Variants in QARS1 observed in about 807,000 individuals in gnomAD.
The protein encoded by QARS1 is glutamine--tRNA ligase.
QARS1 carries 79 observed loss-of-function variants against 106.9 expected under a neutral mutation model. That is an observed-to-expected ratio of 0.74 (90% CI 0.62 to 0.89). The LOEUF (loss-of-function observed/expected upper bound fraction) is 0.89, where lower values mean the gene tolerates loss of function less well. Ranked by LOEUF, QARS1 falls within the 40% of genes least tolerant of loss-of-function variation. The probability of loss-of-function intolerance (pLI) is 0.00; values close to 1 mark genes in which losing one functional copy is unlikely to be tolerated. For synonymous variants in QARS1, 395 were observed against 367.7 expected, an observed-to-expected ratio of 1.07 and a Z score of -0.85; for missense variants, 966 against 997.2, an observed-to-expected ratio of 0.97 and a Z score of 0.42.
intron 23 of QARS1, 124 bp from the exon 24 acceptor site, chr3:49,096,203 G>T: frequency 1.0e-6 from 1 of 959,772 alleles, no homozygotes; most frequent in Non-Finnish European, 1.6e-6. Flanking sequence ...AGGGACTAAG[G>T]GTCAGGAGGC....
Position 49,100,659 on chromosome 3 carries a change from A to G in QARS1, c.892T>C (p.Cys298Arg). The change falls in exon 11 of 24, where the codon TGT becomes CGT. Residue 298 changes from cysteine (C) to arginine (R), a missense_variant. Physicochemically the swap from Cys to Arg is radical, Grantham distance 180. Transcript: ENST00000306125. ...FGYAKANNGI[C>R]FLRFDDTNPE... ...TTGGTGTCATCAAAACGCAGAAAAC[A>G]GATGCCATTGTTGGCCTAGGAAAGT... 1 of 1,603,612 alleles carries G rather than the reference A, an allele frequency of 6.2e-7. No individual in the cohort carries two copies. The highest frequency in any genetic ancestry group is 8.5e-7 in the Non-Finnish European group (1 of 1,170,332).
intron 2 of QARS1, 148 bp from the exon 3 acceptor site, chr3:49,104,120 G>C: frequency 8.9e-7 from 1 of 1,118,280 alleles, no homozygotes; most frequent in Non-Finnish European, 1.3e-6. Context: ...AGGGAAGAAA[G>C]AAGCACGTGT....
chr3:49,099,709 G>A, intron 15 of QARS1, 52 bp downstream of exon 15: 1 of 1,613,516 alleles, frequency 6.2e-7, no homozygotes, highest in Middle Eastern at 1.6e-4. Flanking sequence ...ACCACAGGAA[G>A]GGCTGCTGGA....
At chr3:49,100,766 T>C in intron 10 of QARS1, 92 bp from the exon 11 acceptor site, 3 of 1,127,896 alleles carry the variant, frequency 2.7e-6, no homozygotes, top group Non-Finnish European at 4.0e-6. Context: ...AGCACTCTCA[T>C]GTCAGAATTT....
rs2107104202 is a variant in QARS1, at chr3:49,100,646, A to G, written c.905T>C (p.Phe302Ser). 1 of 1,607,518 alleles carries G rather than the reference A, an allele frequency of 6.2e-7. No homozygotes were observed. The highest frequency in any genetic ancestry group is 8.5e-7 in the Non-Finnish European group (1 of 1,173,898). ...CTCCTTCTCAGGGTTGGTGTCATCA[A>G]AACGCAGAAAACAGATGCCATTGTT... ...KANNGICFLR[F>S]DDTNPEKEEA... is the part of the protein sequence containing the mutation. Residue 302 changes from phenylalanine (F) to serine (S), a missense_variant, in exon 11 of 24, where the codon TTT becomes TCT. Phe to Ser is a radical substitution (Grantham distance 155). Coordinates refer to ENST00000306125, the MANE Select transcript of QARS1 (RefSeq NM_005051.3).
rs370397423 is a variant in QARS1, at chr3:49,098,620, C to T, written c.1936G>A (p.Glu646Lys). 1.2e-6 allele frequency: 2 copies of T among 1,611,754 alleles called. No individual in the cohort carries two copies. The highest frequency in any genetic ancestry group is 1.7e-6 in the Non-Finnish European group (2 of 1,178,844). Residue 646 changes from glutamate (E) to lysine (K), a missense_variant, in exon 20 of 24, where the codon GAG becomes AAG. Transcript: ENST00000306125. ...CTCACCTTGACAACATGCTGCAGCT[C>T]AATGACGTAGCCTGTATGCCTCAGG... ...VGLRHTGYVI[E>K]LQHVVKGPSG... is the part of the protein sequence containing the mutation.
At position 49,098,187 on chromosome 3, in the gene QARS1, C is replaced by G; in HGVS notation, c.2151+5G>C. Reference sequence around the variant, plus strand: ...CCTCCCTCACCCCAAACCTCATGAACCTACCAGGTTCAGGTCACTTAAAAA... The same window carrying G: ...CCTCCCTCACCCCAAACCTCATGAAGCTACCAGGTTCAGGTCACTTAAAAA... On this transcript the variant is annotated splice_donor_5th_base_variant and intron_variant, in intron 22 of 23. Transcript: ENST00000306125. 6.2e-7 allele frequency: 1 copy of G among 1,614,210 alleles called. No homozygotes were observed. Among genetic ancestry groups the G allele is most frequent in the East Asian group, 2.2e-5 (1 of 44,890 alleles).
chr3:49,100,254 C>A lies in QARS1; in HGVS notation c.1100G>T (p.Gly367Val). 6.2e-7 allele frequency: 1 copy of A among 1,614,228 alleles called. No individual in the cohort carries two copies. Among genetic ancestry groups the A allele is most frequent in the African/African-American group, 1.3e-5 (1 of 75,064 alleles). ...VCHQRGEELK[G>V]HNTLPSPWRD... is the part of the protein sequence containing the mutation. ...CCAGGGTGAAGGCAGAGTATTATGGCCTTTGAGCTCCTCTCCTCGCTGGTG... is the reference window on the plus strand; with the variant it reads ...CCAGGGTGAAGGCAGAGTATTATGGACTTTGAGCTCCTCTCCTCGCTGGTG... Residue 367 changes from glycine (G) to valine (V), a missense_variant, in exon 13 of 24, where the codon GGC (glycine) becomes GTC (valine). Coordinates refer to ENST00000306125, the MANE Select transcript of QARS1 (RefSeq NM_005051.3).
chr3:49,101,492 C>T (rs761458716), intron 9 of QARS1, 51 bp from the exon 10 acceptor site: 1 of 1,583,000 alleles, frequency 6.3e-7, no homozygotes, highest in Non-Finnish European at 8.7e-7. Flanking sequence ...CTCAGATGAC[C>T]TTAAAGAAAC....
At position 49,096,798 on chromosome 3, in the gene QARS1, C is replaced by CAAAAAAAAAAAAAAAAAAA. The variant is rs770587253; in HGVS notation, c.2278-738_2278-720dup. ...CTGGGCGACATGTGAGACTCCGTCT[C>CAAAAAAAAAAAAAAAAAAA]AAAAAAAAAAAAAAAAAAAAAAAAA... On this transcript the variant is annotated intron_variant, in intron 23 of 23. Coordinates refer to ENST00000306125, the MANE Select transcript of QARS1 (RefSeq NM_005051.3). Among the ~76,000 whole-genome samples, 4 of 14,154 alleles carry CAAAAAAAAAAAAAAAAAAA rather than the reference C, an allele frequency of 2.8e-4. 1 individual carries two copies. Among genetic ancestry groups the CAAAAAAAAAAAAAAAAAAA allele is most frequent in the African/African-American group, 6.5e-4 (2 of 3,058 alleles). 9.3% of individuals were successfully genotyped at this position (14,154 alleles called of 152,430 possible).
chr3:49,102,275 G>GCC lies in QARS1; in HGVS notation c.571-12_571-11dup. ...GCCGAGCTTTTGCCACCTGAAAGAA[G>GCC]CCCCAGGTGCTTCAGAAAATGGCAT... On this transcript the variant is annotated splice_polypyrimidine_tract_variant and intron_variant, in intron 6 of 23. Transcript: ENST00000306125. 1 of 1,614,172 alleles carries GCC rather than the reference G, an allele frequency of 6.2e-7. No individual in the cohort carries two copies.
At position 49,100,995 on chromosome 3, in the gene QARS1, G is replaced by A. The variant is rs543097493; in HGVS notation, c.877-321C>T. ...GACCTCAAGTGATCCACCCACTTTA[G>A]CCTCCCGAAGTGTTGAGATTACAGG... On this transcript the variant is annotated intron_variant, in intron 10 of 23. Transcript: ENST00000306125. 9.9e-5 allele frequency among the ~76,000 whole-genome samples: 15 copies of A among 152,226 alleles called. 1 individual carries two copies. In the South Asian group the frequency reaches 2.9e-3, roughly 29 times the overall value.
intron 1 of QARS1, 48 bp downstream of exon 1, chr3:49,104,569 C>G: frequency 6.3e-7 from 1 of 1,597,612 alleles, no homozygotes; most frequent in Non-Finnish European, 8.6e-7. Context: ...CCCCGCGCTG[C>G]GTTGCAGCAT....
chr3:49,102,582 T>G lies in QARS1; in HGVS notation c.517-110A>C, dbSNP rs139559970. 2.5e-6 allele frequency: 3 copies of G among 1,188,440 alleles called. No homozygotes were observed. The African/African-American group carries it at 4.5e-5, about 18-fold the overall frequency. The allele number at this position is 1,188,440 out of a possible 1,614,324, so 73.6% of individuals were successfully genotyped here. A position where few individuals can be genotyped will look rare whatever the true frequency, so the allele number is the denominator to read the frequency against. ...TCCTGGCCTATCTACCAGCACTGAC[T>G]GAAAAAACCTACCTAGCCCATCCCA... On this transcript the variant is annotated intron_variant, in intron 5 of 23. Coordinates refer to ENST00000306125, the MANE Select transcript of QARS1 (RefSeq NM_005051.3).
intron 5 of QARS1, 126 bp from the exon 6 acceptor site, chr3:49,102,598 G>A (rs985467791): frequency 9.3e-6 from 9 of 963,790 alleles, no homozygotes; most frequent in Non-Finnish European, 8.1e-6. Context: ...AACCTACCTA[G>A]CCCATCCCAT....
chr3:49,098,781 G>A, intron 19 of QARS1, 89 bp from the exon 20 acceptor site: 1 of 1,500,650 alleles, frequency 6.7e-7, no homozygotes, highest in Admixed American at 1.8e-5. Flanking sequence ...GCAAAGATTG[G>A]TTCATCTGAA....
intron 17 of QARS1, 44 bp from the exon 18 acceptor site, chr3:49,099,297 T>C (rs1310097969): frequency 1.9e-6 from 3 of 1,614,132 alleles, no homozygotes; most frequent in Non-Finnish European, 2.5e-6. Context: ...AATCACAAAC[T>C]GCCACACTCA....
At position 49,101,910 on chromosome 3, in the gene QARS1, C is replaced by A; in HGVS notation, c.632-11G>T. ...GGTCAGCAGTCTCGCCTGTGGGGAA[C>A]AAAACAAGGAAAACTTGTCCTCTAG... is the stretch of plus-strand genomic sequence containing the variant. On this transcript the variant is annotated splice_polypyrimidine_tract_variant and intron_variant, in intron 7 of 23. Coordinates refer to ENST00000306125, the MANE Select transcript of QARS1 (RefSeq NM_005051.3). The A allele has an allele frequency of 3.1e-6, 5 of 1,604,728 alleles. No homozygotes were observed. Among genetic ancestry groups the A allele is most frequent in the Non-Finnish European group, 4.3e-6 (5 of 1,175,538 alleles).
intron 23 of QARS1, among the ~76,000 whole-genome samples, chr3:49,096,317 G>GT (rs1190631827): frequency 2.0e-5 from 3 of 152,220 alleles, no homozygotes; most frequent in Admixed American, 2.0e-4. Context: ...CCAGGGTATA[G>GT]TTTTATATGG....
Sources: allele counts gnomAD v4.1 joint callset (sites outside exome capture counted in the v4.1 genomes callset), GRCh38; gene constraint gnomAD v4.1.1; transcripts MANE v1.5; gene names NCBI Gene and HGNC (gene_info 2026-07-23, HGNC 2026-07-21).